GABRB1: variants seen among roughly 807,000 people sequenced by gnomAD.
GABRB1 encodes gamma-aminobutyric acid receptor subunit beta-1.
In GABRB1, 17 loss-of-function variants were observed where a neutral mutation model predicts 51.6. The ratio of observed to expected loss-of-function variants is 0.33; its 90% CI spans 0.23 to 0.49. GABRB1 has a LOEUF of 0.49. Ranked by LOEUF, GABRB1 falls within the 20% of genes least tolerant of loss-of-function variation. The pLI, the probability that GABRB1 is intolerant of heterozygous loss-of-function variation, is 0.99. For missense variants in GABRB1, 410 were observed against 600.6 expected (o/e 0.68, Z 3.32); for synonymous variants, 247 against 218.9 (o/e 1.13, Z -1.14).
At chr4:47,262,422 A>C (rs1235280059) in intron 4 of GABRB1, among the ~76,000 whole-genome samples, 1 of 152,218 alleles carries the variant, frequency 6.6e-6, no homozygotes, top group African/African-American at 2.4e-5. Flanking sequence ...ACATTTATGC[A>C]GCCAACAGAC....
intron 4 of GABRB1, among the ~76,000 whole-genome samples, chr4:47,306,790 T>G (rs1420379581): frequency 2.6e-5 from 4 of 152,278 alleles, no homozygotes; most frequent in African/African-American, 9.6e-5. Flanking sequence ...CATACCCATG[T>G]TCATACATGT....
chr4:47,181,482 T>C (rs1718945935), intron 4 of GABRB1, among the ~76,000 whole-genome samples: 1 of 152,022 alleles, frequency 6.6e-6, no homozygotes, highest in Non-Finnish European at 1.5e-5. Context: ...TAGAGCGAAG[T>C]GACAAAGAAT....
At chr4:47,200,985 TAACA>T (rs1328687580) in intron 4 of GABRB1, among the ~76,000 whole-genome samples, 1 of 152,178 alleles carries the variant, frequency 6.6e-6, no homozygotes, top group African/African-American at 2.4e-5. Flanking sequence ...TGCCATATTT[TAACA>T]AACATAGTTC....
At chr4:47,071,856 T>A (rs1302750881) in intron 3 of GABRB1, among the ~76,000 whole-genome samples, 1 of 152,088 alleles carries the variant, frequency 6.6e-6, no homozygotes, top group Non-Finnish European at 1.5e-5. Flanking sequence ...ATAATACATA[T>A]GTAACCTATT....
At chr4:47,104,270 A>G (rs1019367257) in intron 3 of GABRB1, among the ~76,000 whole-genome samples, 2 of 151,584 alleles carry the variant, frequency 1.3e-5, no homozygotes, top group African/African-American at 4.8e-5. Context: ...TATAGTCCTC[A>G]TCTCTATTCT....
intron 8 of GABRB1, among the ~76,000 whole-genome samples, chr4:47,413,734 G>T (rs1728831830): frequency 6.6e-6 from 1 of 152,180 alleles, no homozygotes; most frequent in Admixed American, 6.5e-5. Context: ...TGGCTGGGCA[G>T]TCAGGTCAAG....
At chr4:47,185,562 T>TA (rs1035062050) in intron 4 of GABRB1, among the ~76,000 whole-genome samples, 11 of 151,430 alleles carry the variant, frequency 7.3e-5, no homozygotes, top group Admixed American at 2.6e-4. Context: ...CACCTTGTTG[T>TA]AAAAAAAATG....
intron 3 of GABRB1, among the ~76,000 whole-genome samples, chr4:47,034,937 A>C (rs1026000193): frequency 1.3e-5 from 2 of 152,166 alleles, no homozygotes; most frequent in Non-Finnish European, 2.9e-5. Flanking sequence ...GATAGGCAGT[A>C]ACTTGAGTAA....
intron 5 of GABRB1, among the ~76,000 whole-genome samples, chr4:47,358,400 TATATAGAGAG>T (rs955113547): frequency 1.3e-5 from 2 of 151,238 alleles, no homozygotes; most frequent in African/African-American, 2.4e-5. Flanking sequence ...TATATATATA[TATATAGAGAG>T]AGAGAGAGTG....
chr4:47,359,240 T>C (rs17571554), intron 5 of GABRB1, among the ~76,000 whole-genome samples: 13,949 of 152,158 alleles, frequency 0.092, 774 homozygotes, highest in Non-Finnish European at 0.12. Flanking sequence ...CCAGACAGTA[T>C]TATGAGATCT....
intron 3 of GABRB1, among the ~76,000 whole-genome samples, chr4:47,050,039 T>C (rs1438616976): frequency 3.9e-5 from 6 of 152,210 alleles, no homozygotes; most frequent in Non-Finnish European, 7.4e-5. Context: ...TAGGTGTAGT[T>C]TGGGAGTTTA....
intron 1 of GABRB1, among the ~76,000 whole-genome samples, chr4:46,998,897 A>C (rs1724090882): frequency 6.6e-6 from 1 of 152,068 alleles, no homozygotes; most frequent in Admixed American, 6.6e-5. Context: ...TCTCAGAATA[A>C]GTTTAGAAGT....
At chr4:47,263,272 T>C (rs1722520438) in intron 4 of GABRB1, among the ~76,000 whole-genome samples, 1 of 151,814 alleles carries the variant, frequency 6.6e-6, no homozygotes, top group South Asian at 2.1e-4. Flanking sequence ...TAAGGCAAAA[T>C]TAAATATTGC....
At chr4:47,154,257 G>GT (rs66516518) in intron 3 of GABRB1, among the ~76,000 whole-genome samples, 96,672 of 137,288 alleles carry the variant, frequency 0.7, 34,185 homozygotes, top group Middle Eastern at 0.81. Context: ...AATTATGGTT[G>GT]TTTTTTTTTT....
intron 4 of GABRB1, among the ~76,000 whole-genome samples, chr4:47,289,247 T>C (rs1334043538): frequency 2.0e-5 from 3 of 152,196 alleles, no homozygotes; most frequent in Admixed American, 2.0e-4. Flanking sequence ...AAGCCTTTAT[T>C]TGTGCCAGTT....
chr4:47,081,987 T>A (rs1727866981), intron 3 of GABRB1, among the ~76,000 whole-genome samples: 1 of 152,070 alleles, frequency 6.6e-6, no homozygotes, highest in African/African-American at 2.4e-5. Flanking sequence ...ATTAAATAGT[T>A]GCTTATTTCA....
At chr4:47,281,480 G>A (rs1255737768) in intron 4 of GABRB1, among the ~76,000 whole-genome samples, 2 of 152,094 alleles carry the variant, frequency 1.3e-5, no homozygotes, top group African/African-American at 4.8e-5. Flanking sequence ...TTTGGAAAAT[G>A]TATGGGGGCT....
At chr4:47,176,942 G>T (rs1357767939) in intron 4 of GABRB1, among the ~76,000 whole-genome samples, 2 of 152,148 alleles carry the variant, frequency 1.3e-5, no homozygotes, top group Non-Finnish European at 1.5e-5. Context: ...GCAGTAACAA[G>T]TAACTTGCTT....
At chr4:47,094,470 G>T (rs547515022) in intron 3 of GABRB1, among the ~76,000 whole-genome samples, 1 of 151,708 alleles carries the variant, frequency 6.6e-6, no homozygotes, top group African/African-American at 2.4e-5. Context: ...TGATCCACCC[G>T]CCTCGGCCTC....
Sources: gnomAD v4.1 joint callset for allele counts (sites outside exome capture counted in the v4.1 genomes callset) on GRCh38, gnomAD v4.1.1 for gene constraint, MANE v1.5 for transcripts, NCBI Gene and HGNC (gene_info 2026-07-23, HGNC 2026-07-21) for gene names.